Variants in DNAJC10 observed in about 807,000 individuals in gnomAD.
The protein encoded by DNAJC10 is DnaJ heat shock protein family (Hsp40) member C10.
Under a neutral mutation model 115.0 loss-of-function variants are expected in DNAJC10, and 101 were observed. That is an observed-to-expected ratio of 0.88 (90% CI 0.75 to 1.04). The LOEUF (loss-of-function observed/expected upper bound fraction) is 1.04. DNAJC10 is among the 50% of genes least tolerant of loss of function. DNAJC10 has a pLI of 0.00. For missense variants in DNAJC10, 981 were observed against 928.8 expected, an observed-to-expected ratio of 1.06 and a Z score of -0.73; for synonymous variants, 307 against 301.5, an observed-to-expected ratio of 1.02 and a Z score of -0.19.
chr2:182,727,120 A>G (rs1487574548), intron 5 of DNAJC10, among the ~76,000 whole-genome samples: 1 of 151,030 alleles, frequency 6.6e-6, no homozygotes, highest in East Asian at 1.9e-4. Context: ...TATAACTTTT[A>G]TATGCACTGG....
rs184290455 is a variant in DNAJC10, at chr2:182,793,010, G to C, written c.*15878G>C. On this transcript the variant is annotated 3_prime_UTR_variant, in exon 24 of 24. Coordinates refer to ENST00000264065, the MANE Select transcript of DNAJC10 (RefSeq NM_018981.4). ...TAGACCAGGGTATGAGGGATTAGGA[G>C]TGTGGGGGCAGCAGCAGGAGAGTTT... is the stretch of plus-strand genomic sequence containing the variant. 1,100 of 152,374 alleles carry C rather than the reference G, an allele frequency of 7.2e-3. 4 individuals are homozygous for C. The highest frequency in any genetic ancestry group is 0.031 in the South Asian group (151 of 4,824). 9.4% of individuals were successfully genotyped at this position (152,374 alleles called of 1,614,324 possible).
At chr2:182,741,971 T>A (rs1476898858) in intron 13 of DNAJC10, among the ~76,000 whole-genome samples, 1 of 152,144 alleles carries the variant, frequency 6.6e-6, no homozygotes, top group Admixed American at 6.5e-5. Flanking sequence ...TCATAAACTT[T>A]TTCACAGACC....
At position 182,741,224 on chromosome 2, in the gene DNAJC10, T is replaced by C; in HGVS notation, c.1078-19T>C. The C allele has an allele frequency of 6.6e-7, 1 of 1,526,126 alleles. No individual in the cohort carries two copies. Among genetic ancestry groups the C allele is most frequent in the Non-Finnish European group, 9.0e-7 (1 of 1,113,704 alleles). 94.5% of individuals were successfully genotyped at this position (1,526,126 alleles called of 1,614,324 possible). Reference sequence around the variant, plus strand: ...GAATTTCCCATCTCTGACATTTTGTTTTCTTTATCACTTTTAAGGATCGTT... The same window carrying C: ...GAATTTCCCATCTCTGACATTTTGTCTTCTTTATCACTTTTAAGGATCGTT... On this transcript the variant is annotated intron_variant, in intron 12 of 23. Coordinates refer to ENST00000264065, the MANE Select transcript of DNAJC10 (RefSeq NM_018981.4).
intron 22 of DNAJC10, among the ~76,000 whole-genome samples, chr2:182,771,092 A>T (rs186148855): frequency 1.1e-3 from 170 of 152,228 alleles, no homozygotes; most frequent in African/African-American, 3.8e-3. Flanking sequence ...GGTTCTGTTT[A>T]TGTGAAGGAT....
intron 14 of DNAJC10, among the ~76,000 whole-genome samples, 197 bp downstream of exon 14, chr2:182,743,909 T>C (rs1693799769): frequency 6.6e-6 from 1 of 152,230 alleles, no homozygotes. Context: ...TGAATGCCTT[T>C]TCTCTATTCA....
chr2:182,755,120 G>C lies in DNAJC10; in HGVS notation c.1653+16G>C. On this transcript the variant is annotated intron_variant, in intron 17 of 23. Coordinates refer to ENST00000264065, the MANE Select transcript of DNAJC10 (RefSeq NM_018981.4). Reference sequence around the variant, plus strand: ...GTTCATAGAGGTATTTCAGATTATAGACTATGTGACTAGAAATTTGTCTGT... The same window carrying C: ...GTTCATAGAGGTATTTCAGATTATACACTATGTGACTAGAAATTTGTCTGT... 2.1e-6 allele frequency: 3 copies of C among 1,439,014 alleles called. No homozygotes were observed. The highest frequency in any genetic ancestry group is 2.9e-6 in the Non-Finnish European group (3 of 1,020,964). 89.1% of individuals were successfully genotyped at this position (1,439,014 alleles called of 1,614,324 possible).
chr2:182,776,314 C>T (rs536941837), intron 23 of DNAJC10, among the ~76,000 whole-genome samples: 1 of 152,172 alleles, frequency 6.6e-6, no homozygotes, highest in Admixed American at 6.5e-5. Flanking sequence ...GTGTTGGCCC[C>T]TCTTTGAATC....
Position 182,718,200 on chromosome 2 carries a change from T to C in DNAJC10, c.114T>C (p.Ser38=). Residue 38 remains serine, a synonymous_variant, in exon 3 of 24, where the codon AGT becomes AGC. Transcript: ENST00000264065. ...TGGGCACAGATCAGGATTTTTACAG[T>C]TTACTTGGAGTGTCCAAAACTGCAA... is the stretch of plus-strand genomic sequence containing the variant. ...ILVGTDQDFY[S]LLGVSKTASS... The C allele has an allele frequency of 6.2e-7, 1 of 1,613,568 alleles. No individual in the cohort carries two copies.
At chr2:182,721,959 A>G (rs1429894791) in intron 4 of DNAJC10, 66 bp from the exon 5 acceptor site, 3 of 918,560 alleles carry the variant, frequency 3.3e-6, no homozygotes, top group African/African-American at 1.8e-5. Flanking sequence ...CGAGTAATCT[A>G]TTTTTATGTT....
chr2:182,719,798 C>CTTTTTTTTTTTTTTTTTTT (rs35682380), intron 3 of DNAJC10, among the ~76,000 whole-genome samples: 1 of 122,200 alleles, frequency 8.2e-6, no homozygotes, highest in Non-Finnish European at 1.7e-5. Flanking sequence ...ACTTTTCTTA[C>CTTTTTTTTTTTTTTTTTTT]TTTTTTTTTT....
Position 182,752,130 on chromosome 2 carries a change from A to G in DNAJC10, c.1493A>G (p.Tyr498Cys). The G allele has an allele frequency of 6.2e-7, 1 of 1,613,788 alleles. No individual in the cohort carries two copies. Among genetic ancestry groups the G allele is most frequent in the Non-Finnish European group, 8.5e-7 (1 of 1,179,872 alleles). The stretch of plus-strand genomic sequence containing the variant: ...TTACGAAGAGCATCAAATCTTCTTT[A>G]TGGTCAGCTTAAGTTTGGTACACTA... ...PELRRASNLL[Y>C]GQLKFGTLDC... is the part of the protein sequence containing the mutation. The change falls in exon 16 of 24, where the codon TAT (tyrosine) becomes TGT (cysteine). Residue 498 changes from tyrosine to cysteine, a missense_variant. Transcript: ENST00000264065.
At chr2:182,743,138 C>T (rs1196643610) in intron 13 of DNAJC10, among the ~76,000 whole-genome samples, 2 of 152,170 alleles carry the variant, frequency 1.3e-5, no homozygotes, top group Non-Finnish European at 2.9e-5. Context: ...TGAGCCAATG[C>T]GCCTGGCCCT....
chr2:182,717,246 A>G (rs1693017533), intron 2 of DNAJC10, among the ~76,000 whole-genome samples, 174 bp downstream of exon 2: 1 of 152,192 alleles, frequency 6.6e-6, no homozygotes, highest in Non-Finnish European at 1.5e-5. Flanking sequence ...GTATGTCTAA[A>G]TAACCGATTC....
At position 182,766,565 on chromosome 2, in the gene DNAJC10, C is replaced by T. The variant is rs1309995695; in HGVS notation, c.2265+3764C>T. Among the ~76,000 whole-genome samples the T allele has an allele frequency of 2.0e-5, 3 of 152,084 alleles. No individual in the cohort carries two copies. The South Asian group carries it at 6.2e-4, about 32-fold the overall frequency. On this transcript the variant is annotated intron_variant, in intron 22 of 23. Transcript: ENST00000264065. ...CAGATAGCTCTGGCTTTCTTGCTAC[C>T]CACAGAGGCCTGGGGCAGGAGAGTT...
intron 16 of DNAJC10, among the ~76,000 whole-genome samples, chr2:182,753,879 G>A (rs541085561): frequency 3.9e-5 from 6 of 152,200 alleles, no homozygotes; most frequent in Non-Finnish European, 7.4e-5. Context: ...ACTGCGCCCA[G>A]CCAATTTCTT....
chr2:182,749,539 C>T (rs1386090338), intron 14 of DNAJC10, among the ~76,000 whole-genome samples: 1 of 150,478 alleles, frequency 6.6e-6, no homozygotes, highest in Non-Finnish European at 1.5e-5. Context: ...TTATTTTGAG[C>T]CTATGTGTGT....
chr2:182,783,955 T>C lies in DNAJC10; in HGVS notation c.*6823T>C, dbSNP rs1237893279. 1 of 152,212 alleles carries C rather than the reference T, an allele frequency of 6.6e-6. No homozygotes were observed. The highest frequency in any genetic ancestry group is 1.5e-5 in the Non-Finnish European group (1 of 68,038). 9.4% of individuals were successfully genotyped at this position (152,212 alleles called of 1,614,324 possible). On this transcript the variant is annotated 3_prime_UTR_variant, in exon 24 of 24. Coordinates refer to ENST00000264065, the MANE Select transcript of DNAJC10 (RefSeq NM_018981.4). ...GTATTAATTAACTAATATAAATTAATCCTATCAAGTTAATTTGTAATAAAT... is the reference window on the plus strand; with the variant it reads ...GTATTAATTAACTAATATAAATTAACCCTATCAAGTTAATTTGTAATAAAT...
intron 22 of DNAJC10, among the ~76,000 whole-genome samples, chr2:182,772,931 G>A (rs1031696289): frequency 6.6e-6 from 1 of 152,192 alleles, no homozygotes; most frequent in African/African-American, 2.4e-5. Context: ...TTTCTTCATA[G>A]CATCAATGGT....
In DNAJC10 at chr2:182,778,681, T is replaced by C. The variant is rs1694771706; in HGVS notation, c.*1549T>C. 1 of 152,242 alleles carries C rather than the reference T, an allele frequency of 6.6e-6. No individual in the cohort carries two copies. Among genetic ancestry groups the C allele is most frequent in the Non-Finnish European group, 1.5e-5 (1 of 68,046 alleles). 9.4% of individuals were successfully genotyped at this position (152,242 alleles called of 1,614,324 possible). The stretch of plus-strand genomic sequence containing the variant: ...TCCCATCTTTTTCGCTACTATATAC[T>C]CTGTCTGGATTCTGCTGTATGCCTG... On this transcript the variant is annotated 3_prime_UTR_variant, in exon 24 of 24. Coordinates refer to ENST00000264065, the MANE Select transcript of DNAJC10 (RefSeq NM_018981.4).
Sources: gnomAD v4.1 joint callset for allele counts (sites outside exome capture counted in the v4.1 genomes callset) on GRCh38, gnomAD v4.1.1 for gene constraint, MANE v1.5 for transcripts, NCBI Gene and HGNC (gene_info 2026-07-23, HGNC 2026-07-21) for gene names.